SIGLEC15: variants seen among roughly 807,000 people sequenced by gnomAD.
SIGLEC15 encodes sialic acid-binding Ig-like lectin 15.
SIGLEC15 carries 31 observed loss-of-function variants against 26.2 expected under a neutral mutation model. The ratio of observed to expected loss-of-function variants is 1.18; its 90% CI spans 0.89 to 1.60. The LOEUF (loss-of-function observed/expected upper bound fraction) is 1.60, where lower values mean the gene tolerates loss of function less well. SIGLEC15 is among the 40% of genes most tolerant of loss of function. The pLI is 0.00. For missense variants in SIGLEC15, 501 were observed against 488.4 expected, an observed-to-expected ratio of 1.03 and a Z score of -0.24; for synonymous variants, 207 against 221.9, an observed-to-expected ratio of 0.93 and a Z score of 0.60.
chr18:45,842,154 C>T lies in SIGLEC15; in HGVS notation c.954C>T (p.Pro318=), dbSNP rs369062450. ...SNYENLSQMN[P]RSPPATMCSP ...ATGAAAATTTGAGCCAGATGAACCC[C>T]CGGAGCCCACCAGCCACCATGTGCT... Residue 318 remains proline, a synonymous_variant, in exon 6 of 6, where the codon CCC becomes CCT. Coordinates refer to ENST00000389474, the MANE Select transcript of SIGLEC15 (RefSeq NM_213602.3). 13 of 1,614,070 alleles carry T rather than the reference C, an allele frequency of 8.1e-6. No individual in the cohort carries two copies. The highest frequency in any genetic ancestry group is 1.1e-5 in the Non-Finnish European group (13 of 1,180,044).
intron 1 of SIGLEC15, among the ~76,000 whole-genome samples, chr18:45,833,487 A>G (rs1347603848): frequency 1.3e-5 from 2 of 151,796 alleles, no homozygotes; most frequent in Non-Finnish European, 2.9e-5. Flanking sequence ...TTATTTTTGT[A>G]TTTTTAGTAG....
intron 2 of SIGLEC15, 98 bp from the exon 3 acceptor site, chr18:45,837,415 T>C (rs2048284207): frequency 7.3e-7 from 1 of 1,375,362 alleles, no homozygotes; most frequent in African/African-American, 1.5e-5. Context: ...AGGCTAGGGG[T>C]TGGGGGAGCG....
Position 45,842,440 on chromosome 18 carries a change from T to TGA in SIGLEC15, c.*254_*255insAG, listed in dbSNP as rs141094241. 8.4e-3 allele frequency: 3,805 copies of TGA among 454,542 alleles called. 14 individuals are homozygous for TGA. The highest frequency in any genetic ancestry group is 0.032 in the African/African-American group (1,527 of 47,992). 28.2% of individuals were successfully genotyped at this position (454,542 alleles called of 1,614,324 possible). Reference sequence around the variant, plus strand: ...GCATACGTCTGTGTGTGTGTGTGTGTGTGAGAGAGAGAGAGAGAGAGTACA... The same window carrying TGA: ...GCATACGTCTGTGTGTGTGTGTGTGTGAGTGAGAGAGAGAGAGAGAGAGTACA... On this transcript the variant is annotated 3_prime_UTR_variant, in exon 6 of 6. Transcript: ENST00000389474.
intron 1 of SIGLEC15, among the ~76,000 whole-genome samples, chr18:45,827,694 C>T (rs2048197202): frequency 6.6e-6 from 1 of 152,258 alleles, no homozygotes. Flanking sequence ...CCCAGCACAG[C>T]TCCTGGCCCT....
chr18:45,839,167 T>C (rs2048303903), intron 4 of SIGLEC15, 72 bp downstream of exon 4: 1 of 1,336,552 alleles, frequency 7.5e-7, no homozygotes, highest in South Asian at 2.0e-5. Context: ...TAAGACCACC[T>C]GGCTGACCCC....
At chr18:45,837,157 G>GT in intron 2 of SIGLEC15, 69 bp downstream of exon 2, 1 of 1,594,488 alleles carries the variant, frequency 6.3e-7, no homozygotes, top group Non-Finnish European at 8.5e-7. Context: ...AGATCCCAGG[G>GT]TTTTTCCACA....
At chr18:45,825,885 C>G in intron 1 of SIGLEC15, 105 bp downstream of exon 1, 3 of 1,387,790 alleles carry the variant, frequency 2.2e-6, no homozygotes, top group Non-Finnish European at 3.0e-6. Flanking sequence ...TGTGCAGAGC[C>G]TCCAGGCCTG....
At chr18:45,836,966 C>T in intron 1 of SIGLEC15, 63 bp from the exon 2 acceptor site, 1 of 889,846 alleles carries the variant, frequency 1.1e-6, no homozygotes, top group South Asian at 1.3e-5. Flanking sequence ...ACTTCAGTTA[C>T]TCAACTTCTC....
At position 45,837,868 on chromosome 18, in the gene SIGLEC15, C is replaced by A. The variant is rs1411564031; in HGVS notation, c.468C>A (p.Ser156Arg). The A allele has an allele frequency of 6.5e-7, 1 of 1,533,300 alleles. No homozygotes were observed. Among genetic ancestry groups the A allele is most frequent in the Non-Finnish European group, 8.7e-7 (1 of 1,151,098 alleles). The allele number at this position is 1,533,300 out of a possible 1,614,324, so 95.0% of individuals were successfully genotyped here. ...GCGACGTCCATGACCGCTACGAGAG[C>A]CGCCACGGCGTCCGGCTGCACGTGA... ...FAGDVHDRYESRHGVRLHVTA... is the reference protein window; with the variant it reads ...FAGDVHDRYERRHGVRLHVTA... The change falls in exon 3 of 6, where the codon AGC becomes AGA. Residue 156 changes from serine to arginine, a missense_variant. By Grantham distance (110) the Ser-to-Arg change is moderately radical (BLOSUM62 -1). Transcript: ENST00000389474.
chr18:45,831,366 C>T (rs1047579644), intron 1 of SIGLEC15, among the ~76,000 whole-genome samples: 1 of 152,234 alleles, frequency 6.6e-6, no homozygotes. Context: ...TGTCAACTCT[C>T]ATTTCTTGCT....
chr18:45,834,887 G>A (rs2048264034), intron 1 of SIGLEC15, among the ~76,000 whole-genome samples: 1 of 152,220 alleles, frequency 6.6e-6, no homozygotes, highest in Non-Finnish European at 1.5e-5. Context: ...AACTAAGGCT[G>A]GGGCTCAACC....
In SIGLEC15 at chr18:45,837,543, T is replaced by C. The variant is rs2048285599; in HGVS notation, c.143T>C (p.Val48Ala). 1.3e-6 allele frequency: 2 copies of C among 1,517,648 alleles called. No homozygotes were observed. The highest frequency in any genetic ancestry group is 1.8e-6 in the Non-Finnish European group (2 of 1,140,196). The allele number at this position is 1,517,648 out of a possible 1,614,324, so 94.0% of individuals were successfully genotyped here. ...SSPAQRWSMQVPPEVSAEAGD... is the reference protein window; with the variant it reads ...SSPAQRWSMQAPPEVSAEAGD... The stretch of plus-strand genomic sequence containing the variant: ...CCAGCGCAGCGCTGGTCCATGCAGG[T>C]GCCACCCGAGGTGAGCGCGGAGGCA... Residue 48 changes from valine (V) to alanine (A), a missense_variant, in exon 3 of 6, where the codon GTG becomes GCG. Val to Ala is a moderately conservative substitution (Grantham distance 64). Coordinates refer to ENST00000389474, the MANE Select transcript of SIGLEC15 (RefSeq NM_213602.3).
intron 1 of SIGLEC15, among the ~76,000 whole-genome samples, chr18:45,836,397 T>C (rs557127316): frequency 1.3e-5 from 2 of 151,122 alleles, no homozygotes; most frequent in Non-Finnish European, 2.9e-5. Context: ...TTTTGTGAAC[T>C]GCACCCTGGG....
At chr18:45,839,982 GT>G (rs1168681361) in intron 4 of SIGLEC15, among the ~76,000 whole-genome samples, 1 of 152,150 alleles carries the variant, frequency 6.6e-6, no homozygotes, top group Non-Finnish European at 1.5e-5. Context: ...TGTGCTCAGG[GT>G]GCTCAGAAGA....
intron 1 of SIGLEC15, among the ~76,000 whole-genome samples, chr18:45,834,485 G>C (rs1428987583): frequency 6.6e-6 from 1 of 152,216 alleles, no homozygotes; most frequent in Non-Finnish European, 1.5e-5. Flanking sequence ...GAAGCCCCCT[G>C]CTGTAGGAAA....
chr18:45,828,629 A>G (rs995906731), intron 1 of SIGLEC15, among the ~76,000 whole-genome samples: 5 of 152,184 alleles, frequency 3.3e-5, no homozygotes, highest in South Asian at 4.1e-4. Context: ...ACAGCCTTGC[A>G]AGTGAGGCTC....
In SIGLEC15 at chr18:45,838,766, C is replaced by T. The variant is rs774975180; in HGVS notation, c.545C>T (p.Ala182Val). 6.3e-7 allele frequency: 1 copy of T among 1,577,238 alleles called. No individual in the cohort carries two copies. The highest frequency in any genetic ancestry group is 8.5e-7 in the Non-Finnish European group (1 of 1,169,698). The change falls in exon 4 of 6, where the codon GCC becomes GTC. Residue 182 changes from alanine (A) to valine (V), a missense_variant. Transcript: ENST00000389474. ...TCGGTGCTGCCCAGTCCGGCTCACG[C>T]CTTCCGCGCGCTCTGCACTGCCGAA... ...NISVLPSPAH[A>V]FRALCTAEGE...
At chr18:45,830,064 G>A (rs8089544) in intron 1 of SIGLEC15, among the ~76,000 whole-genome samples, 8,619 of 151,924 alleles carry the variant, frequency 0.057, 794 homozygotes, top group African/African-American at 0.19. Flanking sequence ...CCCGTGCTCC[G>A]CCATGAAACC....
At chr18:45,837,240 G>C in intron 2 of SIGLEC15, 152 bp downstream of exon 2, 7 of 1,366,542 alleles carry the variant, frequency 5.1e-6, no homozygotes, top group Non-Finnish European at 6.8e-6. Flanking sequence ...ATTAGGAAAC[G>C]AAGAGGGGAA....
Sources: gnomAD v4.1 joint callset for allele counts (sites outside exome capture counted in the v4.1 genomes callset) on GRCh38, gnomAD v4.1.1 for gene constraint, MANE v1.5 for transcripts, NCBI Gene and HGNC (gene_info 2026-07-23, HGNC 2026-07-21) for gene names.